The following MCM4 variants were observed in gnomAD, a reference collection of about 807,000 sequenced individuals.
MCM4 encodes minichromosome maintenance complex component 4, also known as DNA replication licensing factor MCM4.
In MCM4, 60 loss-of-function variants were observed where a neutral mutation model predicts 88.7. The observed-to-expected ratio is 0.68, with a 90% CI of 0.55 to 0.84. The LOEUF (loss-of-function observed/expected upper bound fraction) is 0.84. MCM4 is among the 40% of genes least tolerant of loss of function. The pLI, the probability that MCM4 is intolerant of heterozygous loss-of-function variation, is 0.00. For missense variants in MCM4, 1,149 were observed against 1,105.5 expected, an observed-to-expected ratio of 1.04 and a Z score of -0.56; for synonymous variants, 465 against 410.5, an observed-to-expected ratio of 1.13 and a Z score of -1.61.
chr8:47,963,899 T>C (rs983089104), intron 7 of MCM4, among the ~76,000 whole-genome samples: 2 of 152,228 alleles, frequency 1.3e-5, no homozygotes, highest in Non-Finnish European at 2.9e-5. Flanking sequence ...GGGAACCATA[T>C]GTTAAGAAAT....
At chr8:47,961,273 C>T in intron 2 of MCM4, 59 bp downstream of exon 2, 2 of 1,429,952 alleles carry the variant, frequency 1.4e-6, no homozygotes, top group East Asian at 2.8e-5. Context: ...TGCCCTCTCG[C>T]CGCAGCTGGC....
Position 47,972,979 on chromosome 8 carries a change from T to A in MCM4, c.2051T>A (p.Met684Lys). 6.8e-6 allele frequency: 11 copies of A among 1,614,152 alleles called. No homozygotes were observed. Among genetic ancestry groups the A allele is most frequent in the Non-Finnish European group, 9.3e-6 (11 of 1,180,028 alleles). ...CAGGCAGAGGAGGAGCTCCTGGACA[T>A]GGCGGTGCTAAAGGACTACATTGCC... ...EEQAEEELLDMAVLKDYIAYA... is the reference protein window; with the variant it reads ...EEQAEEELLDKAVLKDYIAYA... The change falls in exon 14 of 17, where the codon ATG (methionine) becomes AAG (lysine). Residue 684 changes from methionine (M) to lysine (K), a missense_variant. Physicochemically the swap from Met to Lys is moderately conservative, Grantham distance 95. Coordinates refer to ENST00000649973, the MANE Select transcript of MCM4 (RefSeq NM_182746.3).
intron 9 of MCM4, among the ~76,000 whole-genome samples, chr8:47,966,775 A>C (rs1220392951): frequency 6.6e-6 from 1 of 152,240 alleles, no homozygotes; most frequent in Non-Finnish European, 1.5e-5. Flanking sequence ...CTGTCTAAGA[A>C]GTTTGGTCTT....
At position 47,969,833 on chromosome 8, in the gene MCM4, A is replaced by G; in HGVS notation, c.1210A>G (p.Arg404Gly). 3 of 1,614,270 alleles carry G rather than the reference A, an allele frequency of 1.9e-6. No homozygotes were observed. The highest frequency in any genetic ancestry group is 1.7e-5 in the Admixed American group (1 of 60,034). Residue 404 changes from arginine (R) to glycine (G), a missense_variant, in exon 11 of 17, where the codon AGA becomes GGA. Arg to Gly is a moderately radical substitution (Grantham distance 125, BLOSUM62 -2). Around this residue, in one of 3 missense-constraint regions of MCM4, gnomAD observed 906 missense variants for 843.0 expected, o/e 1.07. Transcript: ENST00000649973. Reference sequence around the variant, plus strand: ...AGCTGTGCCTATTCGAGTCAATCCAAGAGTGAGTAATGTGAAGTCTGTCTA... The same window carrying G: ...AGCTGTGCCTATTCGAGTCAATCCAGGAGTGAGTAATGTGAAGTCTGTCTA... Reference protein sequence around the residue: ...YRAVPIRVNPRVSNVKSVYKT... With the variant: ...YRAVPIRVNPGVSNVKSVYKT...
intron 10 of MCM4, among the ~76,000 whole-genome samples, chr8:47,967,826 G>A (rs2090913832): frequency 6.6e-6 from 1 of 152,140 alleles, no homozygotes; most frequent in Non-Finnish European, 1.5e-5. Context: ...GGCTTGTATG[G>A]GTAAAGTTTT....
intron 9 of MCM4, 46 bp from the exon 10 acceptor site, chr8:47,967,318 CT>C (rs2090908633): frequency 1.2e-6 from 2 of 1,611,104 alleles, no homozygotes; most frequent in Non-Finnish European, 8.5e-7. Flanking sequence ...TTTTGTCCCC[CT>C]GCCCTCTCTT....
At position 47,964,730 on chromosome 8, in the gene MCM4, G is replaced by T. The variant is rs367749655; in HGVS notation, c.832+18G>T. 39 of 1,522,436 alleles carry T rather than the reference G, an allele frequency of 2.6e-5. No homozygotes were observed. In the African/African-American group the frequency reaches 5.3e-4, roughly 21 times the overall value. 94.3% of individuals were successfully genotyped at this position (1,522,436 alleles called of 1,614,324 possible). On this transcript the variant is annotated intron_variant, in intron 8 of 16. Transcript: ENST00000649973. ...TCCAGAAGGTAATGTATTTTTCATAGGATTACTTTTGTTGAAGGAAAATGC... is the reference window on the plus strand; with the variant it reads ...TCCAGAAGGTAATGTATTTTTCATATGATTACTTTTGTTGAAGGAAAATGC...
intron 9 of MCM4, 127 bp downstream of exon 9, chr8:47,966,534 T>C: frequency 1.0e-6 from 1 of 954,754 alleles, no homozygotes; most frequent in South Asian, 1.7e-5. Context: ...TCTGGTCTTG[T>C]GGGTTTCGTT....
At position 47,962,949 on chromosome 8, in the gene MCM4, A is replaced by C; in HGVS notation, c.602A>C (p.Asn201Thr). 1 of 1,593,594 alleles carries C rather than the reference A, an allele frequency of 6.3e-7. No homozygotes were observed. The highest frequency in any genetic ancestry group is 8.5e-7 in the Non-Finnish European group (1 of 1,171,588). The part of the protein sequence containing the change: ...PLYMQRLGEI[N>T]VIGEPFLNVN... ...TTGTTCATTTTTATTTTCTAGATTA[A>C]TGTTATTGGTGAGCCATTTTTAAAT... The change falls in exon 7 of 17, where the codon AAT becomes ACT. Residue 201 changes from asparagine (N) to threonine (T), a missense_variant. This residue lies in a region of MCM4 where 906 missense variants were observed against 843.0 expected (regional missense o/e 1.07). Transcript: ENST00000649973.
In MCM4 at chr8:47,963,046, A is replaced by G. The variant is rs1170565702; in HGVS notation, c.693+6A>G. ...AACTCATCTCTTACCCACAGGTAAG[A>G]ATTTAGCTTTGACCTTGATGAATTT... On this transcript the variant is annotated splice_donor_region_variant and intron_variant, in intron 7 of 16. Coordinates refer to ENST00000649973, the MANE Select transcript of MCM4 (RefSeq NM_182746.3). 6.6e-7 allele frequency: 1 copy of G among 1,525,104 alleles called. No homozygotes were observed. The highest frequency in any genetic ancestry group is 2.3e-5 in the East Asian group (1 of 44,358). The allele number at this position is 1,525,104 out of a possible 1,614,324, so 94.5% of individuals were successfully genotyped here.
chr8:47,973,123 C>G (rs2090970888), intron 14 of MCM4, 59 bp downstream of exon 14: 2 of 1,310,992 alleles, frequency 1.5e-6, no homozygotes, highest in South Asian at 1.2e-5. Context: ...ATGTAACTGA[C>G]CAATCATCTC....
intron 1 of MCM4, 45 bp from the exon 2 acceptor site, chr8:47,961,086 G>A (rs1021678863): frequency 2.1e-5 from 31 of 1,496,810 alleles, no homozygotes; most frequent in Middle Eastern, 3.6e-4. Flanking sequence ...GCAGGGCAGG[G>A]AAGCCGGGAG....
intron 14 of MCM4, chr8:47,974,444 C>T (rs17334514): frequency 3.4e-5 from 12 of 348,796 alleles, no homozygotes; most frequent in South Asian, 3.4e-4. Flanking sequence ...ACGCCATGCC[C>T]GTCTCTGTTC....
intron 7 of MCM4, among the ~76,000 whole-genome samples, chr8:47,964,061 T>G (rs1324801336): frequency 6.6e-6 from 1 of 151,994 alleles, no homozygotes; most frequent in Non-Finnish European, 1.5e-5. Flanking sequence ...CCGTCTCTAT[T>G]AAAAATACAA....
At chr8:47,961,392 G>T in intron 2 of MCM4, 124 bp from the exon 3 acceptor site, 2 of 1,562,314 alleles carry the variant, frequency 1.3e-6, no homozygotes, top group South Asian at 1.2e-5. Context: ...TGCTTAATTC[G>T]ATTGCCATTT....
chr8:47,965,067 C>T (rs1188876716), intron 8 of MCM4, among the ~76,000 whole-genome samples: 1 of 151,892 alleles, frequency 6.6e-6, no homozygotes, highest in Non-Finnish European at 1.5e-5. Flanking sequence ...AGAAAAATTA[C>T]CAGGGCATGG....
At chr8:47,962,241 A>G (rs1487242249) in intron 4 of MCM4, 25 bp downstream of exon 4, 1 of 1,614,052 alleles carries the variant, frequency 6.2e-7, no homozygotes, top group Middle Eastern at 1.6e-4. Flanking sequence ...TCCTGAAACC[A>G]TCTTATGGCG....
At chr8:47,973,093 G>A (rs776631116) in intron 14 of MCM4, 29 bp downstream of exon 14, 94 of 1,584,600 alleles carry the variant, frequency 5.9e-5, no homozygotes, top group Middle Eastern at 2.0e-4. Context: ...GGCTTACTGT[G>A]CCTGTAGCCC....
rs749942028 is a variant in MCM4 at position 47,974,799 on chromosome 8, A to G, written c.2202A>G (p.Leu734=). Residue 734 remains leucine (L), a synonymous_variant, in exon 15 of 17, where the codon CTA becomes CTG. Transcript: ENST00000649973. ...RGMVSAYPRQ[L]ESLIRLAEAH... is the part of the protein sequence containing the mutation. ...TGGTTTCTGCATACCCTCGACAGCT[A>G]GAGTCATTAATCCGCTTAGCAGAAG... is the stretch of plus-strand genomic sequence containing the variant. 2 of 1,614,102 alleles carry G rather than the reference A, an allele frequency of 1.2e-6. No individual in the cohort carries two copies. The highest frequency in any genetic ancestry group is 2.7e-5 in the African/African-American group (2 of 74,946).
Sources: gnomAD v4.1 joint callset for allele counts (sites outside exome capture counted in the v4.1 genomes callset) on GRCh38, gnomAD v4.1.1 for gene constraint, gnomAD v4.1.1 regional missense constraint, MANE v1.5 for transcripts, NCBI Gene and HGNC (gene_info 2026-07-23, HGNC 2026-07-21) for gene names.